NRXN3: variants seen among roughly 807,000 people sequenced by gnomAD.
NRXN3 encodes the protein neurexin III.
NRXN3 carries 32 observed loss-of-function variants against 137.6 expected under a neutral mutation model. That is an observed-to-expected ratio of 0.23 (90% CI 0.18 to 0.31). The LOEUF (loss-of-function observed/expected upper bound fraction) is 0.31, where lower values mean the gene tolerates loss of function less well. Among genes scored for constraint, NRXN3 ranks in the 10% least tolerant of loss-of-function variants. The pLI is 1.00. For missense variants in NRXN3, 1,574 were observed against 2,062.5 expected, an observed-to-expected ratio of 0.76 and a Z score of 4.59; for synonymous variants, 798 against 784.5, an observed-to-expected ratio of 1.02 and a Z score of -0.29.
At chr14:79,021,178 A>G (rs1169524656) in intron 15 of NRXN3, among the ~76,000 whole-genome samples, 1 of 152,176 alleles carries the variant, frequency 6.6e-6, no homozygotes, top group Non-Finnish European at 1.5e-5. Context: ...CCATACTGTA[A>G]GCTGACTGAT....
At chr14:78,428,079 A>C (rs2093728914) in intron 4 of NRXN3, among the ~76,000 whole-genome samples, 1 of 152,214 alleles carries the variant, frequency 6.6e-6, no homozygotes, top group Admixed American at 6.5e-5. Flanking sequence ...ATATAAGATA[A>C]TATCTACTTT....
intron 1 of NRXN3, among the ~76,000 whole-genome samples, chr14:78,234,694 T>G (rs1272022393): frequency 6.6e-6 from 1 of 152,206 alleles, no homozygotes; most frequent in Non-Finnish European, 1.5e-5. Flanking sequence ...CTTATATTAT[T>G]TAGGCTCATG....
At chr14:78,716,380 G>GTATA (rs1218727970) in intron 8 of NRXN3, among the ~76,000 whole-genome samples, 1 of 152,204 alleles carries the variant, frequency 6.6e-6, no homozygotes, top group Non-Finnish European at 1.5e-5. Context: ...TTTGCTAAGG[G>GTATA]TATAGCTCTA....
chr14:79,611,389 G>C (rs2098098541), intron 16 of NRXN3: 1 of 152,206 alleles, frequency 6.6e-6, no homozygotes, highest in African/African-American at 2.4e-5. Context: ...CACAAGGTCA[G>C]GAGATCAAGA....
chr14:79,648,772 A>T lies in NRXN3; in HGVS notation c.3445-15006A>T, dbSNP rs570236871. 1.3e-4 allele frequency among the ~76,000 whole-genome samples: 20 copies of T among 152,178 alleles called. 1 individual carries two copies. In the South Asian group the frequency reaches 3.9e-3, roughly 30 times the overall value. On this transcript the variant is annotated intron_variant, in intron 16 of 20. Coordinates refer to ENST00000335750, the MANE Select transcript of NRXN3 (RefSeq NM_001330195.2). ...TACTCAAGTTTTAGATGTTCTGAGC[A>T]CTTGTTTCTGTGCTTTCTCTGGATA...
chr14:78,241,240 A>G (rs536973597), intron 1 of NRXN3, among the ~76,000 whole-genome samples: 1 of 152,310 alleles, frequency 6.6e-6, no homozygotes, highest in East Asian at 1.9e-4. Flanking sequence ...ATACATCCAC[A>G]CATACACAGA....
At chr14:79,186,993 T>C (rs910462137) in intron 15 of NRXN3, among the ~76,000 whole-genome samples, 1 of 152,176 alleles carries the variant, frequency 6.6e-6, no homozygotes, top group African/African-American at 2.4e-5. Context: ...TGGACCTAAA[T>C]GAAGGGAAAT....
intron 4 of NRXN3, among the ~76,000 whole-genome samples, chr14:78,619,723 C>T (rs1443616151): frequency 3.3e-5 from 5 of 152,006 alleles, no homozygotes; most frequent in Admixed American, 3.3e-4. Context: ...TGCCTTCCAC[C>T]ATGATTGTAA....
intron 10 of NRXN3, among the ~76,000 whole-genome samples, chr14:78,825,216 AAG>A (rs1366802937): frequency 1.6e-3 from 247 of 150,080 alleles, no homozygotes; most frequent in African/African-American, 5.8e-3. Flanking sequence ...AAAAAAAAAA[AAG>A]AAAAAGAAAA....
intron 16 of NRXN3, among the ~76,000 whole-genome samples, chr14:79,653,547 T>C (rs573788201): frequency 1.3e-5 from 2 of 152,296 alleles, no homozygotes; most frequent in South Asian, 4.1e-4. Context: ...GCCAGAAGCC[T>C]CTAATTTATT....
intron 10 of NRXN3, among the ~76,000 whole-genome samples, chr14:78,835,548 C>A (rs1215130496): frequency 6.6e-6 from 1 of 152,142 alleles, no homozygotes; most frequent in African/African-American, 2.4e-5. Flanking sequence ...TTGTCCCTAT[C>A]TCTTTTGAAT....
intron 4 of NRXN3, among the ~76,000 whole-genome samples, chr14:78,618,341 T>C (rs1267808571): frequency 6.6e-6 from 1 of 151,822 alleles, no homozygotes; most frequent in East Asian, 1.9e-4. Flanking sequence ...CTAAGGTATG[T>C]ATTTGATGAA....
chr14:79,288,832 C>T (rs554067716), intron 15 of NRXN3, among the ~76,000 whole-genome samples: 9 of 152,252 alleles, frequency 5.9e-5, no homozygotes, highest in Admixed American at 2.6e-4. Context: ...TGCCTGAACC[C>T]GTTTCAACCC....
chr14:78,422,314 A>G (rs536225108), intron 4 of NRXN3, among the ~76,000 whole-genome samples: 1 of 152,304 alleles, frequency 6.6e-6, no homozygotes, highest in South Asian at 2.1e-4. Context: ...TTTTGCATTC[A>G]TTCTTGAGGT....
chr14:78,998,338 C>A (rs908303571), intron 15 of NRXN3, among the ~76,000 whole-genome samples: 1 of 152,136 alleles, frequency 6.6e-6, no homozygotes, highest in East Asian at 1.9e-4. Context: ...GTGCTTCAAG[C>A]CGCAAATTCT....
intron 15 of NRXN3, among the ~76,000 whole-genome samples, chr14:79,429,809 C>T (rs941351678): frequency 6.6e-6 from 1 of 152,158 alleles, no homozygotes; most frequent in Non-Finnish European, 1.5e-5. Context: ...TACAGAAGGA[C>T]AGTTAGTTCT....
chr14:78,986,837 A>G (rs1350318780), intron 14 of NRXN3, among the ~76,000 whole-genome samples: 1 of 151,882 alleles, frequency 6.6e-6, no homozygotes, highest in East Asian at 1.9e-4. Flanking sequence ...CTTGGCCAAC[A>G]TGGTGAAACC....
chr14:78,965,995 C>A (rs2099416755), intron 11 of NRXN3, 30 bp from the exon 12 acceptor site: 1 of 1,596,038 alleles, frequency 6.3e-7, no homozygotes, highest in South Asian at 1.1e-5. Context: ...GGTAACTTTT[C>A]TGTTTGTACC....
At chr14:78,425,294 G>A (rs771205050) in intron 4 of NRXN3, among the ~76,000 whole-genome samples, 2 of 152,200 alleles carry the variant, frequency 1.3e-5, no homozygotes, top group Non-Finnish European at 2.9e-5. Flanking sequence ...CATGTGGAAG[G>A]CACTTGGTAC....
Sources: gnomAD v4.1 joint callset for allele counts (sites outside exome capture counted in the v4.1 genomes callset) on GRCh38, gnomAD v4.1.1 for gene constraint, MANE v1.5 for transcripts, NCBI Gene and HGNC (gene_info 2026-07-23, HGNC 2026-07-21) for gene names.